ME1: variants seen among roughly 807,000 people sequenced by gnomAD.
ME1 encodes NADP-dependent malic enzyme.
A neutral mutation model predicts 66.4 loss-of-function variants in ME1; 74 were observed. The ratio of observed to expected loss-of-function variants is 1.11; its 90% CI spans 0.92 to 1.35. The LOEUF is 1.35. Ranked by LOEUF, ME1 falls within the 40% of genes most tolerant of loss-of-function variation. ME1 has a pLI of 0.00. For missense variants in ME1, 750 were observed against 694.1 expected, an observed-to-expected ratio of 1.08 and a Z score of -0.90; for synonymous variants, 251 against 235.6, an observed-to-expected ratio of 1.07 and a Z score of -0.60.
At chr6:83,236,750 T>C (rs755204086) in intron 9 of ME1, among the ~76,000 whole-genome samples, 41 of 152,170 alleles carry the variant, frequency 2.7e-4, no homozygotes, top group Non-Finnish European at 5.6e-4. Flanking sequence ...ATTCAAACCC[T>C]TAAGAATTTG....
chr6:83,275,764 CTTTTTTTTTTT>C (rs869196328), intron 6 of ME1, among the ~76,000 whole-genome samples: 1 of 38,052 alleles, frequency 2.6e-5, no homozygotes, highest in Non-Finnish European at 4.3e-5. Context: ...GGCGCCCGGC[CTTTTTTTTTTT>C]TTTTTTTTTT....
chr6:83,328,159 C>A (rs1441828548), intron 5 of ME1, among the ~76,000 whole-genome samples: 1 of 152,160 alleles, frequency 6.6e-6, no homozygotes, highest in Non-Finnish European at 1.5e-5. Context: ...AGTTCACGTC[C>A]TTTGCAGGGA....
chr6:83,427,710 G>C (rs1667951855), intron 1 of ME1, among the ~76,000 whole-genome samples: 1 of 151,058 alleles, frequency 6.6e-6, no homozygotes. Context: ...AAAGAAATAA[G>C]AAAAAAAAAT....
intron 6 of ME1, among the ~76,000 whole-genome samples, chr6:83,261,618 C>G (rs1210820608): frequency 6.6e-6 from 1 of 151,934 alleles, no homozygotes; most frequent in African/African-American, 2.4e-5. Flanking sequence ...GTAAGGTAGC[C>G]TGTTGTTAAA....
At chr6:83,381,869 T>C (rs1197086919) in intron 3 of ME1, among the ~76,000 whole-genome samples, 3 of 152,062 alleles carry the variant, frequency 2.0e-5, no homozygotes. Context: ...CTACTTTGAA[T>C]ATTCAATGGC....
chr6:83,298,884 G>A (rs1005561742), intron 6 of ME1, among the ~76,000 whole-genome samples: 1 of 132,474 alleles, frequency 7.5e-6, no homozygotes, highest in Admixed American at 8.0e-5. Context: ...GGAGATGTGT[G>A]GTCTTATTTC....
intron 3 of ME1, among the ~76,000 whole-genome samples, chr6:83,353,650 ATAGTT>A (rs1768839189): frequency 6.6e-6 from 1 of 152,028 alleles, no homozygotes; most frequent in East Asian, 1.9e-4. Flanking sequence ...TCAATCCATT[ATAGTT>A]ATTTTCCTTA....
At chr6:83,255,389 T>C (rs961721595) in intron 6 of ME1, among the ~76,000 whole-genome samples, 44 of 151,998 alleles carry the variant, frequency 2.9e-4, no homozygotes, top group African/African-American at 9.4e-4. Flanking sequence ...GTGTTCCTAA[T>C]TGTTTTCACC....
rs901068455 is a variant in ME1 at position 83,408,031 on chromosome 6, T to C, written c.79-130A>G. ...GTCTGCGTCACTGGAAGCATGGCCA[T>C]GTGGCTGTGAGTAAACCATGTAAGC... is the stretch of plus-strand genomic sequence containing the variant. On this transcript the variant is annotated intron_variant, in intron 1 of 13. Transcript: ENST00000369705. The C allele has an allele frequency of 1.7e-4, 180 of 1,047,402 alleles. 1 individual carries two copies. The highest frequency in any genetic ancestry group is 4.8e-4 in the Middle Eastern group (2 of 4,158). The allele number at this position is 1,047,402 out of a possible 1,614,324, so 64.9% of individuals were successfully genotyped here. A position where few individuals can be genotyped will look rare whatever the true frequency, so the allele number is the denominator to read the frequency against.
At chr6:83,284,879 G>C (rs563075107) in intron 6 of ME1, among the ~76,000 whole-genome samples, 1 of 152,190 alleles carries the variant, frequency 6.6e-6, no homozygotes, top group East Asian at 1.9e-4. Context: ...GAAATAAAAG[G>C]CATCCAAATA....
At chr6:83,312,638 A>C (rs928082465) in intron 6 of ME1, among the ~76,000 whole-genome samples, 2 of 152,228 alleles carry the variant, frequency 1.3e-5, no homozygotes, top group Non-Finnish European at 2.9e-5. Flanking sequence ...GTATCTAAAC[A>C]GCAGGCAGGG....
intron 1 of ME1, among the ~76,000 whole-genome samples, chr6:83,421,335 A>G (rs998594670): frequency 6.6e-6 from 1 of 152,180 alleles, no homozygotes; most frequent in Non-Finnish European, 1.5e-5. Flanking sequence ...TCTTCTCCGA[A>G]CTTAAAATCA....
intron 13 of ME1, among the ~76,000 whole-genome samples, chr6:83,215,907 CA>C (rs997267842): frequency 2.6e-5 from 4 of 152,100 alleles, no homozygotes; most frequent in East Asian, 3.9e-4. Context: ...AATTACACTG[CA>C]AAAAAAGTCC....
intron 1 of ME1, among the ~76,000 whole-genome samples, chr6:83,414,337 T>TATATTAAAC (rs1444671000): frequency 6.6e-6 from 1 of 152,064 alleles, no homozygotes; most frequent in African/African-American, 2.4e-5. Flanking sequence ...AGGCCAACAA[T>TATATTAAAC]ATATTAAACA....
chr6:83,410,256 TTTA>T (rs1486999514), intron 1 of ME1, among the ~76,000 whole-genome samples: 2 of 152,136 alleles, frequency 1.3e-5, no homozygotes, highest in Non-Finnish European at 2.9e-5. Context: ...TTCATTAGAA[TTTA>T]TTATGAGAAA....
intron 6 of ME1, among the ~76,000 whole-genome samples, chr6:83,255,614 C>T (rs1766750969): frequency 6.6e-6 from 1 of 151,754 alleles, no homozygotes; most frequent in African/African-American, 2.4e-5. Flanking sequence ...CAAGCTATAC[C>T]AAAATTTCTG....
intron 5 of ME1, among the ~76,000 whole-genome samples, chr6:83,317,359 C>T (rs1768054899): frequency 6.6e-6 from 1 of 151,778 alleles, no homozygotes; most frequent in African/African-American, 2.4e-5. Context: ...GTTTGTAGTT[C>T]TCCTTGAAGA....
At chr6:83,271,035 A>AG (rs1404494855) in intron 6 of ME1, among the ~76,000 whole-genome samples, 1 of 152,042 alleles carries the variant, frequency 6.6e-6, no homozygotes, top group East Asian at 1.9e-4. Flanking sequence ...AAAAAAAAAA[A>AG]AAATCTAACT....
chr6:83,288,288 G>T (rs757308189), intron 6 of ME1, among the ~76,000 whole-genome samples: 8 of 152,150 alleles, frequency 5.3e-5, no homozygotes, highest in Non-Finnish European at 1.0e-4. Context: ...ACAGTCCTAG[G>T]TCTTACATTT....
Sources: allele counts gnomAD v4.1 joint callset (sites outside exome capture counted in the v4.1 genomes callset), GRCh38; gene constraint gnomAD v4.1.1; transcripts MANE v1.5; gene names NCBI Gene and HGNC (gene_info 2026-07-23, HGNC 2026-07-21).